The following CEP128 variants were observed in gnomAD, a reference collection of about 807,000 sequenced individuals.
CEP128 encodes centrosomal protein 128kDa.
A neutral mutation model predicts 156.7 loss-of-function variants in CEP128; 132 were observed. That is an observed-to-expected ratio of 0.84 (90% CI 0.73 to 0.97). The LOEUF (loss-of-function observed/expected upper bound fraction) is 0.97. Ranked by LOEUF, CEP128 falls within the 50% of genes least tolerant of loss-of-function variation. CEP128 has a pLI of 0.00. For synonymous variants in CEP128, 469 were observed against 448.9 expected, an observed-to-expected ratio of 1.04 and a Z score of -0.57; for missense variants, 1,252 against 1,281.9, an observed-to-expected ratio of 0.98 and a Z score of 0.36.
chr14:80,680,000 C>G (rs1239533760), intron 19 of CEP128, among the ~76,000 whole-genome samples: 1 of 152,216 alleles, frequency 6.6e-6, no homozygotes, highest in Admixed American at 6.5e-5. Flanking sequence ...TAGGTCCATA[C>G]AAAGTCAGCC....
chr14:80,641,125 G>T (rs1894391001), intron 19 of CEP128, among the ~76,000 whole-genome samples: 1 of 152,128 alleles, frequency 6.6e-6, no homozygotes, highest in African/African-American at 2.4e-5. Flanking sequence ...AGTCATTCCA[G>T]AAATTTCTAC....
intron 19 of CEP128, among the ~76,000 whole-genome samples, chr14:80,656,291 TTATATATATATATA>T (rs1159139132): frequency 7.0e-4 from 18 of 25,704 alleles, no homozygotes; most frequent in East Asian, 3.0e-3. Context: ...ATATATATAT[TTATATATATATATA>T]TATATATATA....
At chr14:80,498,003 C>T (rs1223638922) in intron 24 of CEP128, among the ~76,000 whole-genome samples, 1 of 152,178 alleles carries the variant, frequency 6.6e-6, no homozygotes, top group Non-Finnish European at 1.5e-5. Flanking sequence ...GTTTACTGTT[C>T]TTTTACTATC....
At chr14:80,955,911 C>T (rs1886650557) in intron 2 of CEP128, 10 of 1,607,668 alleles carry the variant, frequency 6.2e-6, no homozygotes, top group Non-Finnish European at 8.5e-6. Context: ...CAGAGGTGGC[C>T]CGAAGTGCAC....
rs980982454 is a variant in CEP128, at chr14:80,800,476, G to A, written c.1210-7366C>T. Reference sequence around the variant, plus strand: ...TGATCAATCCAAGATAAGGCAGATAGTTTTTGGCAGAGAAAGGACTAAACA... The same window carrying A: ...TGATCAATCCAAGATAAGGCAGATAATTTTTGGCAGAGAAAGGACTAAACA... On this transcript the variant is annotated intron_variant, in intron 13 of 24. Transcript: ENST00000555265. 7.9e-5 allele frequency among the ~76,000 whole-genome samples: 12 copies of A among 152,306 alleles called. No homozygotes were observed. In the East Asian group the frequency reaches 2.3e-3, roughly 29 times the overall value.
At chr14:80,714,311 T>TACAC (rs1322577001) in intron 19 of CEP128, among the ~76,000 whole-genome samples, 13 of 151,072 alleles carry the variant, frequency 8.6e-5, no homozygotes, top group Admixed American at 8.6e-4. Flanking sequence ...CACACACACA[T>TACAC]ACACACACAC....
At chr14:80,622,037 G>A (rs1018396021) in intron 19 of CEP128, among the ~76,000 whole-genome samples, 1 of 152,068 alleles carries the variant, frequency 6.6e-6, no homozygotes, top group African/African-American at 2.4e-5. Context: ...ATAAGGGCAG[G>A]AGTCAGAGAA....
intron 2 of CEP128, among the ~76,000 whole-genome samples, chr14:80,935,888 A>G (rs1008101271): frequency 1.3e-5 from 2 of 151,970 alleles, no homozygotes; most frequent in African/African-American, 4.8e-5. Context: ...TAGAGTAAAC[A>G]TAGCTGTAAT....
chr14:80,915,492 C>T (rs867796874), intron 3 of CEP128, among the ~76,000 whole-genome samples: 1 of 152,170 alleles, frequency 6.6e-6, no homozygotes, highest in Non-Finnish European at 1.5e-5. Context: ...GGGATTAATG[C>T]GTAGGAAATA....
At chr14:80,778,077 T>G (rs768014165) in intron 15 of CEP128, 31 bp from the exon 16 acceptor site, 1 of 1,601,102 alleles carries the variant, frequency 6.2e-7, no homozygotes, top group Non-Finnish European at 8.5e-7. Flanking sequence ...AAACAGAAAG[T>G]CCACTAGCCA....
rs1203111535 is a variant in CEP128, at chr14:80,919,285, CA to C, written c.-15-2724del. Among the ~76,000 whole-genome samples, 6 of 152,204 alleles carry C rather than the reference CA, an allele frequency of 3.9e-5. No homozygotes were observed. In the East Asian group the frequency reaches 1.2e-3, roughly 29 times the overall value. On this transcript the variant is annotated intron_variant, in intron 2 of 24. Coordinates refer to ENST00000555265, the MANE Select transcript of CEP128 (RefSeq NM_152446.5). ...AATACGTAGACAATTTGAGTTTCAA[CA>C]TGACTAAAAATAATTATAACTGAAA... is the stretch of plus-strand genomic sequence containing the variant.
intron 19 of CEP128, among the ~76,000 whole-genome samples, chr14:80,686,117 A>G (rs186279904): frequency 2.1e-4 from 32 of 152,168 alleles, no homozygotes; most frequent in African/African-American, 7.2e-4. Context: ...GACTAAATGA[A>G]TTAACTTTTG....
intron 6 of CEP128, among the ~76,000 whole-genome samples, chr14:80,904,336 G>A (rs780094161): frequency 6.6e-6 from 1 of 152,008 alleles, no homozygotes. Flanking sequence ...AGAGGGTGGC[G>A]GGGAGAGGGG....
chr14:80,584,141 A>ATTT lies in CEP128; in HGVS notation c.2807-3721_2807-3719dup, dbSNP rs992004088. Among the ~76,000 whole-genome samples the ATTT allele has an allele frequency of 1.4e-3, 162 of 117,364 alleles. 10 individuals are homozygous for ATTT. The highest frequency in any genetic ancestry group is 7.0e-3 in the East Asian group (26 of 3,726). 77.0% of individuals were successfully genotyped at this position (117,364 alleles called of 152,430 possible). ...TTCCCTGAATCAGGGCGTCCGTGAC[A>ATTT]TTTTTTTTTTTTTTTTTTTTTTGTT... On this transcript the variant is annotated intron_variant, in intron 19 of 24. Coordinates refer to ENST00000555265, the MANE Select transcript of CEP128 (RefSeq NM_152446.5).
chr14:80,540,202 C>A (rs928452776), intron 21 of CEP128, among the ~76,000 whole-genome samples: 1 of 149,802 alleles, frequency 6.7e-6, no homozygotes, highest in African/African-American at 2.5e-5. Context: ...CTTACACCCC[C>A]CCCCCTTTTG....
rs369823553 is a variant in CEP128 at position 80,521,934 on chromosome 14, A to G, written c.3072+4935T>C. ...TGCACTCTAAATCTCTGTATAGGGG[A>G]GGCTTAAAAGATGGAGAGAAGCACA... On this transcript the variant is annotated intron_variant, in intron 23 of 24. Transcript: ENST00000555265. Among the ~76,000 whole-genome samples the G allele has an allele frequency of 5.5e-4, 84 of 152,254 alleles. 1 individual carries two copies. Among genetic ancestry groups the G allele is most frequent in the African/African-American group, 1.9e-3 (78 of 41,548 alleles).
chr14:80,476,990 C>T (rs1886957213), exon 15 of CEP128: 1 of 151,952 alleles, frequency 6.6e-6, no homozygotes, highest in Non-Finnish European at 1.5e-5. Context: ...CATGATTTTA[C>T]ATTTAATGTT....
At chr14:80,671,847 C>G (rs1361741339) in intron 19 of CEP128, among the ~76,000 whole-genome samples, 4 of 140,450 alleles carry the variant, frequency 2.8e-5, no homozygotes, top group African/African-American at 5.4e-5. Context: ...ACTGTTTTCT[C>G]CTTCTTGGGT....
intron 13 of CEP128, among the ~76,000 whole-genome samples, chr14:80,802,943 T>A (rs1460699165): frequency 6.6e-6 from 1 of 152,180 alleles, no homozygotes. Context: ...CCAAATCCAA[T>A]GGAGCTGGCT....
Sources: gnomAD v4.1 joint callset for allele counts (sites outside exome capture counted in the v4.1 genomes callset) on GRCh38, gnomAD v4.1.1 for gene constraint, MANE v1.5 for transcripts, NCBI Gene and HGNC (gene_info 2026-07-23, HGNC 2026-07-21) for gene names.